Variants in MYLK observed in about 807,000 individuals in gnomAD.
The protein encoded by MYLK is myosin light chain kinase, smooth muscle.
In MYLK, 106 loss-of-function variants were observed where a neutral mutation model predicts 203.4. The observed-to-expected ratio is 0.52, with a 90% confidence interval of 0.45 to 0.61. The LOEUF (loss-of-function observed/expected upper bound fraction) is 0.61. Ranked by LOEUF, MYLK falls within the 20% of genes least tolerant of loss-of-function variation. The pLI is 0.00. For missense variants in MYLK, 2,072 were observed against 2,442.3 expected, an observed-to-expected ratio of 0.85 and a Z score of 3.20; for synonymous variants, 867 against 959.5, an observed-to-expected ratio of 0.90 and a Z score of 1.78.
chr3:123,641,415 C>T (rs979410347), intron 27 of MYLK, among the ~76,000 whole-genome samples: 2 of 152,026 alleles, frequency 1.3e-5, no homozygotes, highest in African/African-American at 4.8e-5. Context: ...TATCAGTAAG[C>T]TTGCTTTTCT....
intron 31 of MYLK, chr3:123,625,348 T>C (rs1412101705): frequency 6.6e-6 from 1 of 152,182 alleles, no homozygotes; most frequent in Non-Finnish European, 1.5e-5. Flanking sequence ...TTGCACTACG[T>C]AGTCCCTGAG....
Position 123,649,190 on chromosome 3 carries a change from C to T in MYLK, c.4293G>A (p.Pro1431=), listed in dbSNP as rs370153686. The part of the protein sequence containing the change: ...LTTVGEKPEE[P]KDEVEVSDDD... ...CATCTGACACCTCCACTTCATCCTT[C>T]GGCTCTGGGGGGGGCACAAGGAAGG... Residue 1431 remains proline (P), a synonymous_variant, in exon 25 of 34, where the codon CCG becomes CCA. Coordinates refer to ENST00000360304, the MANE Select transcript of MYLK (RefSeq NM_053025.4). 353 of 1,612,124 alleles carry T rather than the reference C, an allele frequency of 2.2e-4. No individual in the cohort carries two copies. The highest frequency in any genetic ancestry group is 5.8e-4 in the East Asian group (26 of 44,880).
At chr3:123,768,251 G>T (rs1260382286) in intron 4 of MYLK, among the ~76,000 whole-genome samples, 1 of 152,238 alleles carries the variant, frequency 6.6e-6, no homozygotes, top group Non-Finnish European at 1.5e-5. Flanking sequence ...TCCAGGGTCA[G>T]GGTCCCCTTT....
intron 20 of MYLK, among the ~76,000 whole-genome samples, chr3:123,680,777 G>A (rs1002218297): frequency 5.9e-5 from 9 of 152,130 alleles, no homozygotes; most frequent in Non-Finnish European, 1.0e-4. Context: ...GAGTTAACCC[G>A]GCTCAATTAT....
At chr3:123,626,685 A>G in intron 31 of MYLK, 133 bp downstream of exon 31, 1 of 1,313,806 alleles carries the variant, frequency 7.6e-7, no homozygotes, top group East Asian at 2.4e-5. Context: ...AGCTGCCTAA[A>G]TTGGTCCCAG....
At chr3:123,782,460 G>T (rs185329283) in intron 4 of MYLK, among the ~76,000 whole-genome samples, 1 of 152,224 alleles carries the variant, frequency 6.6e-6, no homozygotes, top group Non-Finnish European at 1.5e-5. Context: ...CATTATTTAT[G>T]AAAGTAGTGT....
At chr3:123,735,354 C>A (rs1366500409) in intron 9 of MYLK, 44 bp downstream of exon 9, 1 of 1,612,368 alleles carries the variant, frequency 6.2e-7, no homozygotes, top group African/African-American at 1.3e-5. Context: ...CCTTGCAGGG[C>A]ATTTCAAGAG....
In MYLK at chr3:123,700,057, G is replaced by T; in HGVS notation, c.3411C>A (p.Thr1137=). ...ATIIWTLNGK[T]LKTTKFIILS... Reference sequence around the variant, plus strand: ...GGATGATGAACTTGGTGGTCTTGAGGGTCTTTCCGTTCAGCGTCCAGATGA... The same window carrying T: ...GGATGATGAACTTGGTGGTCTTGAGTGTCTTTCCGTTCAGCGTCCAGATGA... The change falls in exon 18 of 34, where the codon ACC becomes ACA. Residue 1137 remains threonine, a synonymous_variant. Coordinates refer to ENST00000360304, the MANE Select transcript of MYLK (RefSeq NM_053025.4). 1 of 1,614,002 alleles carries T rather than the reference G, an allele frequency of 6.2e-7. No individual in the cohort carries two copies. Among genetic ancestry groups the T allele is most frequent in the African/African-American group, 1.3e-5 (1 of 74,982 alleles).
intron 4 of MYLK, among the ~76,000 whole-genome samples, chr3:123,780,931 G>C (rs1396025215): frequency 6.6e-6 from 1 of 152,188 alleles, no homozygotes; most frequent in South Asian, 2.1e-4. Flanking sequence ...AAAGCCCCAG[G>C]GTGATTCAGC....
intron 12 of MYLK, among the ~76,000 whole-genome samples, chr3:123,724,959 G>T (rs774309200): frequency 8.5e-5 from 13 of 152,162 alleles, no homozygotes; most frequent in Non-Finnish European, 1.6e-4. Flanking sequence ...TGGCCAGGCT[G>T]GTCTCGAACT....
rs1204664867 is a variant in MYLK, at chr3:123,847,676, A to G, written c.-126-16006T>C. Reference sequence around the variant, plus strand: ...TTTCTGTATGTAATAGATTATAGGCATTATTAATCTGTTAATATTCTTTAT... The same window carrying G: ...TTTCTGTATGTAATAGATTATAGGCGTTATTAATCTGTTAATATTCTTTAT... On this transcript the variant is annotated intron_variant, in intron 2 of 33. Transcript: ENST00000360304. Among the ~76,000 whole-genome samples the G allele has an allele frequency of 3.3e-5, 5 of 152,272 alleles. No individual in the cohort carries two copies. In the East Asian group the frequency reaches 5.8e-4, roughly 18 times the overall value.
chr3:123,830,575 A>G (rs1297923029), intron 3 of MYLK, among the ~76,000 whole-genome samples: 1 of 152,174 alleles, frequency 6.6e-6, no homozygotes, highest in Non-Finnish European at 1.5e-5. Flanking sequence ...ATCACAGACC[A>G]CACTTCCTGT....
intron 3 of MYLK, among the ~76,000 whole-genome samples, chr3:123,798,846 A>T (rs1373231005): frequency 2.0e-5 from 3 of 152,190 alleles, no homozygotes; most frequent in Non-Finnish European, 4.4e-5. Context: ...TCTGCCACAC[A>T]ATTAATGGTT....
chr3:123,712,190 C>T (rs2061724516), intron 13 of MYLK, among the ~76,000 whole-genome samples: 2 of 152,218 alleles, frequency 1.3e-5, no homozygotes, highest in African/African-American at 2.4e-5. Flanking sequence ...GGCAGAAGCT[C>T]TGGGAGTGGG....
Position 123,752,421 on chromosome 3 carries a change from C to A in MYLK, c.283G>T (p.Ala95Ser). The change falls in exon 5 of 34, where the codon GCT becomes TCT. Residue 95 changes from alanine to serine, a missense_variant. This residue lies in a region of MYLK where 683 missense variants were observed against 643.8 expected (regional missense o/e 1.06). Coordinates refer to ENST00000360304, the MANE Select transcript of MYLK (RefSeq NM_053025.4). ...TTTCCCCTGTCCTCCTCATGGACAGCATGAATCACAAGGCTGAAAGTCCCC... is the reference window on the plus strand; with the variant it reads ...TTTCCCCTGTCCTCCTCATGGACAGAATGAATCACAAGGCTGAAAGTCCCC... ...IRGTFSLVIHAVHEEDRGKYT... is the reference protein window; with the variant it reads ...IRGTFSLVIHSVHEEDRGKYT... 6.2e-7 allele frequency: 1 copy of A among 1,614,200 alleles called. No individual in the cohort carries two copies. The highest frequency in any genetic ancestry group is 8.5e-7 in the Non-Finnish European group (1 of 1,180,030).
Position 123,692,868 on chromosome 3 carries a change from G to A in MYLK, c.3449-17C>T. On this transcript the variant is annotated splice_polypyrimidine_tract_variant and intron_variant, in intron 18 of 33. Coordinates refer to ENST00000360304, the MANE Select transcript of MYLK (RefSeq NM_053025.4). ...AGAGTGAGCCTGGGGAGGAAGAATT[G>A]TGGAGTGAACCAGGTGTGGTCGTAG... 6.2e-7 allele frequency: 1 copy of A among 1,604,890 alleles called. No homozygotes were observed. The highest frequency in any genetic ancestry group is 8.5e-7 in the Non-Finnish European group (1 of 1,171,726).
chr3:123,786,828 T>C (rs928195500), intron 4 of MYLK, among the ~76,000 whole-genome samples: 2 of 152,204 alleles, frequency 1.3e-5, no homozygotes, highest in Admixed American at 1.3e-4. Flanking sequence ...TTACTATGTA[T>C]ACATGGCCCA....
At chr3:123,750,144 G>A (rs1260693957) in intron 5 of MYLK, among the ~76,000 whole-genome samples, 3 of 152,258 alleles carry the variant, frequency 2.0e-5, no homozygotes, top group African/African-American at 7.2e-5. Context: ...AGCAGAATGT[G>A]CATAGGACTC....
At chr3:123,745,163 C>T (rs1172370442) in intron 5 of MYLK, among the ~76,000 whole-genome samples, 2 of 151,918 alleles carry the variant, frequency 1.3e-5, no homozygotes, top group African/African-American at 2.4e-5. Context: ...AAGGAACCAC[C>T]GATTTATATA....
Sources: allele counts gnomAD v4.1 joint callset (sites outside exome capture counted in the v4.1 genomes callset), GRCh38; gene constraint gnomAD v4.1.1; regional missense constraint gnomAD v4.1.1; transcripts MANE v1.5; gene names NCBI Gene and HGNC (gene_info 2026-07-23, HGNC 2026-07-21).